Variants in NRCAM observed in about 807,000 individuals in gnomAD.
The protein encoded by NRCAM is neuronal cell adhesion molecule, also known as NgCAM-related cell adhesion molecule.
In NRCAM, 83 loss-of-function variants were observed where a neutral mutation model predicts 156.5. The observed-to-expected ratio is 0.53, with a 90% CI of 0.44 to 0.64. The LOEUF (loss-of-function observed/expected upper bound fraction) is 0.64, where lower values mean the gene tolerates loss of function less well. Among genes scored for constraint, NRCAM ranks in the 30% least tolerant of loss-of-function variants. The pLI, the probability that NRCAM is intolerant of heterozygous loss-of-function variation, is 0.00. For synonymous variants in NRCAM, 538 were observed against 563.9 expected (o/e 0.95, Z 0.65); for missense variants, 1,417 against 1,597.3 (o/e 0.89, Z 1.92).
At position 108,194,406 on chromosome 7, in the gene NRCAM, C is replaced by T; in HGVS notation, c.1486G>A (p.Ala496Thr). The T allele has an allele frequency of 6.2e-7, 1 of 1,607,530 alleles. No homozygotes were observed. The highest frequency in any genetic ancestry group is 8.5e-7 in the Non-Finnish European group (1 of 1,176,918). The stretch of plus-strand genomic sequence containing the variant: ...AAAACATAAATATCTTCATGAAGAG[C>T]ACTTCCTTTAGCTCCTTTAAACCTT... ...IEWFKGAKGS[A>T]LHEDIYVLHE... is the part of the protein sequence containing the mutation. Residue 496 changes from alanine (A) to threonine (T), a missense_variant, in exon 16 of 33, where the codon GCT becomes ACT. Physicochemically the swap from Ala to Thr is moderately conservative, Grantham distance 58 (BLOSUM62 0). This residue lies in a region of NRCAM where 1,238 missense variants were observed against 1,336.4 expected (regional missense o/e 0.93). Transcript: ENST00000379028.
At chr7:108,191,219 C>T (rs749774878) in intron 19 of NRCAM, 35 bp downstream of exon 19, 1 of 1,568,148 alleles carries the variant, frequency 6.4e-7, no homozygotes, top group Admixed American at 1.8e-5. Flanking sequence ...AATTGTTTGA[C>T]AGAAAACAGA....
chr7:108,249,112 G>C (rs990184221), intron 3 of NRCAM, among the ~76,000 whole-genome samples: 1 of 152,134 alleles, frequency 6.6e-6, no homozygotes, highest in Non-Finnish European at 1.5e-5. Flanking sequence ...GGAGGCAAAA[G>C]GCTCAGATTT....
chr7:108,235,588 T>C (rs567266926), intron 5 of NRCAM, among the ~76,000 whole-genome samples: 1 of 152,318 alleles, frequency 6.6e-6, no homozygotes, highest in East Asian at 1.9e-4. Flanking sequence ...AACTGGCTCC[T>C]GGTAAGAAGC....
intron 2 of NRCAM, among the ~76,000 whole-genome samples, chr7:108,345,619 T>C (rs974994171): frequency 1.3e-5 from 2 of 152,058 alleles, no homozygotes; most frequent in Admixed American, 1.3e-4. Flanking sequence ...TTAATGGCCA[T>C]ATAAGAAAAG....
intron 3 of NRCAM, among the ~76,000 whole-genome samples, chr7:108,255,507 G>A (rs1040161505): frequency 1.3e-5 from 2 of 152,062 alleles, no homozygotes; most frequent in Non-Finnish European, 2.9e-5. Flanking sequence ...GCGTGATCTC[G>A]GCTCGCTACA....
intron 20 of NRCAM, among the ~76,000 whole-genome samples, chr7:108,187,639 A>C (rs1300456907): frequency 6.6e-6 from 1 of 152,174 alleles, no homozygotes; most frequent in Admixed American, 6.5e-5. Flanking sequence ...TAGGGAGCAA[A>C]GGCTAAGACA....
At position 108,149,787 on chromosome 7, in the gene NRCAM, T is replaced by A. The variant is rs953032699; in HGVS notation, c.*123A>T. 3.9e-6 allele frequency: 3 copies of A among 777,042 alleles called. No homozygotes were observed. Among genetic ancestry groups the A allele is most frequent in the Non-Finnish European group, 6.4e-6 (3 of 470,172 alleles). The allele number at this position is 777,042 out of a possible 1,614,324, so 48.1% of individuals were successfully genotyped here. A position where few individuals can be genotyped will look rare whatever the true frequency, so the allele number is the denominator to read the frequency against. ...TATGTTTTTGCTGTAACTATTCTCA[T>A]AATACTAACATACAGCAGAAAATAT... On this transcript the variant is annotated 3_prime_UTR_variant, in exon 33 of 33. Coordinates refer to ENST00000379028, the MANE Select transcript of NRCAM (RefSeq NM_001037132.4).
At chr7:108,187,499 T>C (rs1252758972) in intron 20 of NRCAM, among the ~76,000 whole-genome samples, 3 of 152,220 alleles carry the variant, frequency 2.0e-5, no homozygotes, top group Non-Finnish European at 4.4e-5. Context: ...AGTGTGGCCT[T>C]TCCTATTCAC....
intron 2 of NRCAM, among the ~76,000 whole-genome samples, chr7:108,322,332 T>C (rs1174255211): frequency 2.6e-5 from 4 of 152,198 alleles, no homozygotes; most frequent in Non-Finnish European, 5.9e-5. Context: ...CTTTTCATAG[T>C]ACTGTTCTGG....
chr7:108,448,951 A>G (rs975567715), intron 1 of NRCAM, among the ~76,000 whole-genome samples: 1 of 152,194 alleles, frequency 6.6e-6, no homozygotes, highest in Non-Finnish European at 1.5e-5. Context: ...GCATTTCTGT[A>G]TTTATTCAAC....
chr7:108,289,354 C>T (rs1422237690), intron 3 of NRCAM, among the ~76,000 whole-genome samples: 1 of 152,102 alleles, frequency 6.6e-6, no homozygotes, highest in African/African-American at 2.4e-5. Flanking sequence ...AGCAAATTAA[C>T]ATGTATTATC....
At chr7:108,276,115 T>C (rs2097591070) in intron 3 of NRCAM, among the ~76,000 whole-genome samples, 1 of 152,222 alleles carries the variant, frequency 6.6e-6, no homozygotes. Flanking sequence ...GTGTGATTTC[T>C]TTTCTTTTAC....
intron 32 of NRCAM, 60 bp downstream of exon 32, chr7:108,159,403 A>G: frequency 3.5e-6 from 5 of 1,439,948 alleles, no homozygotes; most frequent in Non-Finnish European, 3.9e-6. Context: ...GCTGAGTTCT[A>G]TTCTCGGGAC....
intron 3 of NRCAM, among the ~76,000 whole-genome samples, chr7:108,260,343 A>G (rs2096845635): frequency 6.6e-6 from 1 of 152,210 alleles, no homozygotes. Context: ...GCCCACAGTA[A>G]ACACCTAAAG....
chr7:108,427,152 A>G (rs1166818563), intron 1 of NRCAM, among the ~76,000 whole-genome samples: 1 of 152,000 alleles, frequency 6.6e-6, no homozygotes, highest in Non-Finnish European at 1.5e-5. Flanking sequence ...GCCCATCTCC[A>G]TTCCTTTTTC....
At chr7:108,357,322 A>AG (rs1486485598) in intron 2 of NRCAM, among the ~76,000 whole-genome samples, 2 of 149,024 alleles carry the variant, frequency 1.3e-5, no homozygotes, top group Non-Finnish European at 1.5e-5. Flanking sequence ...CTCTTTTGTT[A>AG]GGTGGGGCCA....
At chr7:108,263,616 A>T (rs189970379) in intron 3 of NRCAM, among the ~76,000 whole-genome samples, 1 of 152,214 alleles carries the variant, frequency 6.6e-6, no homozygotes, top group African/African-American at 2.4e-5. Flanking sequence ...CTTCTCTGAA[A>T]CCCTTACCCC....
chr7:108,372,555 T>C (rs2099635347), intron 2 of NRCAM, among the ~76,000 whole-genome samples: 1 of 144,284 alleles, frequency 6.9e-6, no homozygotes, highest in Non-Finnish European at 1.5e-5. Context: ...AGCAGACATT[T>C]CTCCAAAGAA....
In NRCAM at chr7:108,182,746, T is replaced by C. The variant is rs1177882434; in HGVS notation, c.2479A>G (p.Met827Val). 6.2e-7 allele frequency: 1 copy of C among 1,614,260 alleles called. No individual in the cohort carries two copies. ...ACAGCTGGCTCGGGGGCAAACCCCA[T>C]GTCATTCAGGGCCTGAACTTTGATC... ...YLIKVQALNDMGFAPEPAVVM... is the reference protein window; with the variant it reads ...YLIKVQALNDVGFAPEPAVVM... The change falls in exon 23 of 33, where the codon ATG (methionine) becomes GTG (valine). Residue 827 changes from methionine to valine, a missense_variant. Physicochemically the swap from Met to Val is conservative, Grantham distance 21. Transcript: ENST00000379028.
Sources: gnomAD v4.1 joint callset for allele counts (sites outside exome capture counted in the v4.1 genomes callset) on GRCh38, gnomAD v4.1.1 for gene constraint, gnomAD v4.1.1 regional missense constraint, MANE v1.5 for transcripts, NCBI Gene and HGNC (gene_info 2026-07-23, HGNC 2026-07-21) for gene names.